The following SUGT1 variants were observed in gnomAD, a reference collection of about 807,000 sequenced individuals.
SUGT1 encodes SGT1 assembly cochaperone of MIS12 kinetochore complex, also known as protein SGT1 homolog.
SUGT1 carries 15 observed loss-of-function variants against 56.1 expected under a neutral mutation model. The observed-to-expected ratio is 0.27, with a 90% confidence interval of 0.18 to 0.41. SUGT1 has a LOEUF of 0.41. SUGT1 is among the 10% of genes least tolerant of loss of function. The pLI is 1.00. For synonymous variants in SUGT1, 123 were observed against 128.6 expected (o/e 0.96, Z 0.30); for missense variants, 347 against 382.2 (o/e 0.91, Z 0.77).
chr13:52,664,769 C>G (rs975224108), intron 8 of SUGT1, among the ~76,000 whole-genome samples: 1 of 152,184 alleles, frequency 6.6e-6, no homozygotes, highest in Non-Finnish European at 1.5e-5. Context: ...GGAACTTTGA[C>G]TTGCCCTGGT....
intron 5 of SUGT1, among the ~76,000 whole-genome samples, chr13:52,662,096 T>C (rs1486156379): frequency 3.3e-5 from 5 of 152,326 alleles, no homozygotes; most frequent in Non-Finnish European, 2.9e-5. Flanking sequence ...TCGACTGCCA[T>C]GTAACTTGGA....
intron 12 of SUGT1, among the ~76,000 whole-genome samples, chr13:52,684,392 CTT>C (rs950802363): frequency 7.2e-6 from 1 of 139,194 alleles, no homozygotes; most frequent in African/African-American, 2.7e-5. Flanking sequence ...AGAATTAGCT[CTT>C]TGTTTCGTTT....
chr13:52,666,823 G>T lies in SUGT1; in HGVS notation c.531G>T (p.Leu177Phe), dbSNP rs61756205. 5,205 of 1,612,256 alleles carry T rather than the reference G, an allele frequency of 3.2e-3. 7 individuals are homozygous for T. The highest frequency in any genetic ancestry group is 6.1e-3 in the South Asian group (554 of 90,934). The change falls in exon 10 of 13, where the codon TTG becomes TTT. Residue 177 changes from leucine to phenylalanine, a missense_variant. Leu to Phe is a conservative substitution (Grantham distance 22). Coordinates refer to ENST00000310528, the MANE Select transcript of SUGT1 (RefSeq NM_006704.5). ...VEFSEKELSA[L>F]VKLPSGEDYN... ...TTTGTGTTCATTAGTTGTCTGCTTT[G>T]GTTAAACTTCCTTCTGGAGAGGATT... is the stretch of plus-strand genomic sequence containing the variant.
At chr13:52,670,739 C>T (rs1031994912) in intron 10 of SUGT1, among the ~76,000 whole-genome samples, 5 of 151,964 alleles carry the variant, frequency 3.3e-5, no homozygotes, top group African/African-American at 9.7e-5. Context: ...ACCTGGGAGG[C>T]GGAGGTTGCA....
At chr13:52,685,094 T>G (rs1342718473) in intron 12 of SUGT1, among the ~76,000 whole-genome samples, 10 of 149,794 alleles carry the variant, frequency 6.7e-5, no homozygotes, top group African/African-American at 2.0e-4. Context: ...CTAGTCAGGG[T>G]CTTGCTCTAT....
In SUGT1 at chr13:52,666,891, A is replaced by G; in HGVS notation, c.599A>G (p.Gln200Arg). Residue 200 changes from glutamine (Q) to arginine (R), a missense_variant, in exon 10 of 13, where the codon CAG (glutamine) becomes CGG (arginine). Physicochemically the swap from Gln to Arg is conservative, Grantham distance 43. Coordinates refer to ENST00000310528, the MANE Select transcript of SUGT1 (RefSeq NM_006704.5). ...CTTCTTCATCCTATAATACCAGAAC[A>G]GAGCACGTTTAAAGTACTTTCAACA... is the stretch of plus-strand genomic sequence containing the variant. The part of the protein sequence containing the change: ...LELLHPIIPE[Q>R]STFKVLSTKI... 1.2e-6 allele frequency: 2 copies of G among 1,612,964 alleles called. No homozygotes were observed. Among genetic ancestry groups the G allele is most frequent in the Non-Finnish European group, 1.7e-6 (2 of 1,179,488 alleles).
intron 2 of SUGT1, 55 bp downstream of exon 2, chr13:52,653,158 C>T: frequency 1.2e-6 from 2 of 1,608,084 alleles, no homozygotes; most frequent in Non-Finnish European, 1.7e-6. Context: ...TGGGCCACTT[C>T]GGGTCCCCGC....
chr13:52,676,198 G>C, intron 10 of SUGT1, 32 bp from the exon 11 acceptor site: 2 of 1,555,760 alleles, frequency 1.3e-6, no homozygotes, highest in Non-Finnish European at 1.7e-6. Context: ...ATTTTACGTC[G>C]AGTAATGGAG....
chr13:52,668,414 T>C (rs1395573766), intron 10 of SUGT1, among the ~76,000 whole-genome samples: 3 of 152,088 alleles, frequency 2.0e-5, no homozygotes, highest in Non-Finnish European at 4.4e-5. Flanking sequence ...GAATGATAAT[T>C]GGGCCTGCAG....
rs747676414 is a variant in SUGT1 at position 52,653,120 on chromosome 13, C to G, written c.96+17C>G. ...GCGTTAGAGGTGAGAGAGCCCATTT[C>G]TGCTTCCTCCACTCTTCTTAGGGGA... On this transcript the variant is annotated intron_variant, in intron 2 of 12. Transcript: ENST00000310528. 1.9e-6 allele frequency: 3 copies of G among 1,614,094 alleles called. No individual in the cohort carries two copies. The highest frequency in any genetic ancestry group is 2.2e-5 in the South Asian group (2 of 91,074).
At chr13:52,657,117 C>T (rs569851758) in intron 2 of SUGT1, among the ~76,000 whole-genome samples, 1 of 152,272 alleles carries the variant, frequency 6.6e-6, no homozygotes, top group African/African-American at 2.4e-5. Context: ...GATTTAACTT[C>T]TGGTCTTTTT....
chr13:52,693,579 G>GTC lies in SUGT1; in HGVS notation c.*5748_*5749dup, dbSNP rs1344741600. 1 of 152,122 alleles carries GTC rather than the reference G, an allele frequency of 6.6e-6. No homozygotes were observed. Among genetic ancestry groups the GTC allele is most frequent in the Non-Finnish European group, 1.5e-5 (1 of 68,022 alleles). 9.4% of individuals were successfully genotyped at this position (152,122 alleles called of 1,614,324 possible). ...GTGACAATGGATATAGGTGCTTAAT[G>GTC]TCTCTGTGCCTCAGTTTTTGTGTCT... On this transcript the variant is annotated 3_prime_UTR_variant, in exon 13 of 13. Transcript: ENST00000310528.
chr13:52,676,307 A>C lies in SUGT1; in HGVS notation c.705A>C (p.Lys235Asn), dbSNP rs1418625465. The C allele has an allele frequency of 1.2e-6, 2 of 1,612,378 alleles. No individual in the cohort carries two copies. The highest frequency in any genetic ancestry group is 1.7e-5 in the Admixed American group (1 of 59,732). Residue 235 changes from lysine (K) to asparagine (N), a missense_variant, in exon 11 of 13, where the codon AAA (lysine) becomes AAC (asparagine). Lys to Asn is a moderately conservative substitution (Grantham distance 94, BLOSUM62 0). Coordinates refer to ENST00000310528, the MANE Select transcript of SUGT1 (RefSeq NM_006704.5). ...GGCAAGGAGATGTGCCTACGCCAAA[A>C]CAATTCGTAGCAGGTTTGTTTTCTG... is the stretch of plus-strand genomic sequence containing the variant. ...LEGQGDVPTP[K>N]QFVADVKNLY...
chr13:52,653,789 GC>G (rs1333960269), intron 2 of SUGT1, among the ~76,000 whole-genome samples: 1 of 152,232 alleles, frequency 6.6e-6, no homozygotes, highest in Non-Finnish European at 1.5e-5. Flanking sequence ...AAATGATGCT[GC>G]GGGTCACAGA....
At chr13:52,664,005 T>C in intron 7 of SUGT1, 30 bp from the exon 8 acceptor site, 1 of 1,611,302 alleles carries the variant, frequency 6.2e-7, no homozygotes, top group African/African-American at 1.3e-5. Context: ...TCTTTCTCTT[T>C]CAACTTACCA....
chr13:52,683,105 T>A (rs374619305), intron 12 of SUGT1, among the ~76,000 whole-genome samples: 29 of 152,320 alleles, frequency 1.9e-4, no homozygotes, highest in African/African-American at 7.0e-4. Flanking sequence ...TATCTCCTTT[T>A]CTTGCTATAT....
intron 10 of SUGT1, among the ~76,000 whole-genome samples, chr13:52,669,011 T>TA (rs1298548919): frequency 6.6e-6 from 1 of 152,212 alleles, no homozygotes; most frequent in African/African-American, 2.4e-5. Context: ...TAAGCACTCT[T>TA]ATCTCAATTC....
chr13:52,662,236 A>T (rs770029245), intron 5 of SUGT1, among the ~76,000 whole-genome samples: 14 of 152,086 alleles, frequency 9.2e-5, no homozygotes, highest in Non-Finnish European at 1.9e-4. Flanking sequence ...GGGGCTGGGA[A>T]CGGCTTTTGA....
At position 52,698,920 on chromosome 13, in the gene SUGT1, A is replaced by G. The variant is rs987344600; in HGVS notation, c.*11085A>G. On this transcript the variant is annotated 3_prime_UTR_variant, in exon 13 of 13. Coordinates refer to ENST00000310528, the MANE Select transcript of SUGT1 (RefSeq NM_006704.5). Reference sequence around the variant, plus strand: ...TTTCCTCCTGAGATTTTGAATCAGTACCTTTGAGAGAGGGTCCAGTAAATC... The same window carrying G: ...TTTCCTCCTGAGATTTTGAATCAGTGCCTTTGAGAGAGGGTCCAGTAAATC... The G allele has an allele frequency of 6.6e-6, 1 of 151,346 alleles. No individual in the cohort carries two copies. The highest frequency in any genetic ancestry group is 2.4e-5 in the African/African-American group (1 of 41,426). 9.4% of individuals were successfully genotyped at this position (151,346 alleles called of 1,614,324 possible). A position where few individuals can be genotyped will look rare whatever the true frequency, so the allele number is the denominator to read the frequency against.
Sources: allele counts gnomAD v4.1 joint callset (sites outside exome capture counted in the v4.1 genomes callset), GRCh38; gene constraint gnomAD v4.1.1; transcripts MANE v1.5; gene names NCBI Gene and HGNC (gene_info 2026-07-23, HGNC 2026-07-21).